Variants in DLG2 observed in about 807,000 individuals in gnomAD.
The protein encoded by DLG2 is disks large homolog 2.
Under a neutral mutation model 132.5 loss-of-function variants are expected in DLG2, and 45 were observed. The observed-to-expected ratio is 0.34, with a 90% CI of 0.27 to 0.44. The LOEUF (loss-of-function observed/expected upper bound fraction) is 0.44. Ranked by LOEUF, DLG2 falls within the 20% of genes least tolerant of loss-of-function variation. The pLI is 1.00. For missense variants in DLG2, 1,045 were observed against 1,196.9 expected (o/e 0.87, Z 1.87); for synonymous variants, 424 against 419.6 (o/e 1.01, Z -0.13).
chr11:83,529,214 A>C (rs761088438), intron 21 of DLG2, among the ~76,000 whole-genome samples: 5 of 152,036 alleles, frequency 3.3e-5, no homozygotes, highest in Non-Finnish European at 5.9e-5. Flanking sequence ...AATTTATCCC[A>C]AGGTCCCAGA....
chr11:83,483,055 AT>A (rs1328006954), intron 22 of DLG2, among the ~76,000 whole-genome samples: 1 of 152,120 alleles, frequency 6.6e-6, no homozygotes, highest in Non-Finnish European at 1.5e-5. Flanking sequence ...TGCCTGATAC[AT>A]TTTGCTTTTA....
rs57881988 is a variant in DLG2 at position 85,521,938 on chromosome 11, G to GA, written c.40+76718dup. On this transcript the variant is annotated intron_variant, in intron 3 of 27. Coordinates refer to ENST00000376104, the MANE Select transcript of DLG2 (RefSeq NM_001142699.3). ...GGAGAATTTGCAGCCCAACGTGACA[G>GA]AAAAAAAAAATTCTGGGGAGAAATT... Among the ~76,000 whole-genome samples, 198 of 149,850 alleles carry GA rather than the reference G, an allele frequency of 1.3e-3. 2 individuals are homozygous for GA. Among genetic ancestry groups the GA allele is most frequent in the Admixed American group, 0.01 (157 of 15,046 alleles).
At chr11:85,274,256 A>T (rs1437005855) in intron 4 of DLG2, among the ~76,000 whole-genome samples, 6 of 152,186 alleles carry the variant, frequency 3.9e-5, no homozygotes, top group East Asian at 1.9e-4. Flanking sequence ...AGTATAATTA[A>T]AAAAAGTAAG....
chr11:85,063,665 G>C (rs544658462), intron 6 of DLG2, among the ~76,000 whole-genome samples: 1 of 151,722 alleles, frequency 6.6e-6, no homozygotes, highest in Non-Finnish European at 1.5e-5. Flanking sequence ...TCTAACTTGC[G>C]TGCAGCTAAA....
In DLG2 at chr11:84,107,118, C is replaced by T. The variant is rs1329858433; in HGVS notation, c.625-8071G>A. On this transcript the variant is annotated intron_variant, in intron 9 of 27. Coordinates refer to ENST00000376104, the MANE Select transcript of DLG2 (RefSeq NM_001142699.3). ...TGGCAGGGAGGGGACTCAAGCATCT[C>T]TTTAGTCTAAAGGAAAGAAGCCCCT... Among the ~76,000 whole-genome samples the T allele has an allele frequency of 2.0e-5, 3 of 151,498 alleles. No individual in the cohort carries two copies. In the East Asian group the frequency reaches 5.8e-4, roughly 29 times the overall value.
chr11:83,741,524 A>G (rs779927734), intron 18 of DLG2, among the ~76,000 whole-genome samples: 6 of 152,172 alleles, frequency 3.9e-5, no homozygotes, highest in Non-Finnish European at 7.4e-5. Context: ...CATGGCTAAC[A>G]GTAATATCAT....
intron 7 of DLG2, among the ~76,000 whole-genome samples, chr11:84,430,366 G>C (rs1373534396): frequency 2.0e-5 from 3 of 150,958 alleles, no homozygotes; most frequent in Non-Finnish European, 2.9e-5. Context: ...TTGAACCAGG[G>C]AGTCGGAGGT....
At chr11:84,973,092 G>T (rs564812082) in intron 6 of DLG2, among the ~76,000 whole-genome samples, 44 of 151,886 alleles carry the variant, frequency 2.9e-4, no homozygotes, top group African/African-American at 1.0e-3. Context: ...CTGGTAGCTG[G>T]GATTACAGGT....
chr11:84,714,609 CTTTCTCTTTCTCTT>C lies in DLG2; in HGVS notation c.358-179892_358-179879del, dbSNP rs1565750190. 1.8e-3 allele frequency among the ~76,000 whole-genome samples: 204 copies of C among 112,598 alleles called. 2 individuals are homozygous for C. The highest frequency in any genetic ancestry group is 8.6e-3 in the Middle Eastern group (2 of 232). The allele number at this position is 112,598 out of a possible 152,430, so 73.9% of individuals were successfully genotyped here. On this transcript the variant is annotated intron_variant, in intron 6 of 27. Coordinates refer to ENST00000376104, the MANE Select transcript of DLG2 (RefSeq NM_001142699.3). ...TCTCTTTCTCTTTCTTTCTCTTTCT[CTTTCTCTTTCTCTT>C]TCTCTCTCTCTCTCTCTCTCTCTTT...
chr11:85,070,927 G>A, intron 6 of DLG2, among the ~76,000 whole-genome samples: 1 of 151,810 alleles, frequency 6.6e-6, no homozygotes, highest in East Asian at 1.9e-4. Context: ...AACCAGGTTG[G>A]AGAGGAGTAC....
In DLG2 at chr11:85,165,244, T is replaced by A. The variant is rs561820376; in HGVS notation, c.187-10593A>T. Among the ~76,000 whole-genome samples the A allele has an allele frequency of 2.0e-5, 3 of 152,314 alleles. 1 individual carries two copies. Among genetic ancestry groups the A allele is most frequent in the African/African-American group, 7.2e-5 (3 of 41,584 alleles). On this transcript the variant is annotated intron_variant, in intron 4 of 27. Coordinates refer to ENST00000376104, the MANE Select transcript of DLG2 (RefSeq NM_001142699.3). Reference sequence around the variant, plus strand: ...AAACTATCAAGAGAACTTAGAAGTCTGAATTTTTATGTGAAATAGCTTGAC... The same window carrying A: ...AAACTATCAAGAGAACTTAGAAGTCAGAATTTTTATGTGAAATAGCTTGAC...
chr11:83,571,825 T>C (rs79235414), intron 19 of DLG2, among the ~76,000 whole-genome samples: 3,052 of 152,222 alleles, frequency 0.02, 115 homozygotes, highest in African/African-American at 0.069. Flanking sequence ...GTCAACATCA[T>C]TGTCTGATGT....
At chr11:84,696,173 A>G (rs2058598119) in intron 6 of DLG2, among the ~76,000 whole-genome samples, 1 of 151,562 alleles carries the variant, frequency 6.6e-6, no homozygotes, top group African/African-American at 2.4e-5. Context: ...ACGCAAGAAA[A>G]CATAGGGCAA....
intron 3 of DLG2, among the ~76,000 whole-genome samples, chr11:85,519,031 AC>A (rs1289604948): frequency 6.6e-6 from 1 of 152,212 alleles, no homozygotes; most frequent in East Asian, 1.9e-4. Flanking sequence ...ACATATGGAA[AC>A]ACCCGGATAC....
intron 18 of DLG2, among the ~76,000 whole-genome samples, chr11:83,755,404 A>G (rs2093604502): frequency 6.6e-6 from 1 of 151,280 alleles, no homozygotes; most frequent in Admixed American, 6.6e-5. Context: ...TTTTCATTTC[A>G]ATGTAATAGT....
intron 7 of DLG2, among the ~76,000 whole-genome samples, chr11:84,454,269 T>C (rs1036864314): frequency 6.6e-6 from 1 of 151,522 alleles, no homozygotes; most frequent in Non-Finnish European, 1.5e-5. Context: ...TAGGAGCTAT[T>C]CTCATGGAAG....
Position 83,962,881 on chromosome 11 carries a change from T to C in DLG2, c.1340+4A>G. On this transcript the variant is annotated splice_donor_region_variant and intron_variant, in intron 14 of 27. Transcript: ENST00000376104. Reference sequence around the variant, plus strand: ...AATCCAATTAACTAACAGGCATATCTGACCTGGTGTAGTCGTCGTCAACAA... The same window carrying C: ...AATCCAATTAACTAACAGGCATATCCGACCTGGTGTAGTCGTCGTCAACAA... 6.2e-7 allele frequency: 1 copy of C among 1,612,530 alleles called. No individual in the cohort carries two copies. Among genetic ancestry groups the C allele is most frequent in the Admixed American group, 1.7e-5 (1 of 59,950 alleles).
intron 8 of DLG2, among the ~76,000 whole-genome samples, chr11:84,242,154 A>T (rs529859190): frequency 6.6e-6 from 1 of 152,284 alleles, no homozygotes; most frequent in South Asian, 2.1e-4. Flanking sequence ...CATAACAGTC[A>T]CATTCTTCAC....
intron 3 of DLG2, among the ~76,000 whole-genome samples, chr11:85,372,022 T>C (rs979768250): frequency 1.3e-5 from 2 of 152,224 alleles, no homozygotes; most frequent in African/African-American, 2.4e-5. Flanking sequence ...ACATTTGTCA[T>C]TAAATTCTAA....
Sources: allele counts gnomAD v4.1 joint callset (sites outside exome capture counted in the v4.1 genomes callset), GRCh38; gene constraint gnomAD v4.1.1; transcripts MANE v1.5; gene names NCBI Gene and HGNC (gene_info 2026-07-23, HGNC 2026-07-21).